Variants in CDH18 observed in about 807,000 individuals in gnomAD.
The protein encoded by CDH18 is cadherin-18.
CDH18 carries 31 observed loss-of-function variants against 67.9 expected under a neutral mutation model. That is an observed-to-expected ratio of 0.46 (90% CI 0.34 to 0.62). The LOEUF (loss-of-function observed/expected upper bound fraction) is 0.62, where lower values mean the gene tolerates loss of function less well. Ranked by LOEUF, CDH18 falls within the 20% of genes least tolerant of loss-of-function variation. The probability of loss-of-function intolerance (pLI) is 0.01; values close to 1 mark genes in which losing one functional copy is unlikely to be tolerated. For synonymous variants in CDH18, 362 were observed against 347.2 expected (o/e 1.04, Z -0.48); for missense variants, 890 against 975.5 (o/e 0.91, Z 1.17).
chr5:20,137,946 C>A (rs1749879696), intron 2 of CDH18, among the ~76,000 whole-genome samples: 1 of 152,092 alleles, frequency 6.6e-6, no homozygotes, highest in African/African-American at 2.4e-5. Context: ...AAGAGGGAAT[C>A]CTCCCTAACT....
intron 5 of CDH18, among the ~76,000 whole-genome samples, chr5:19,719,900 C>CAAGAGAAAGAAAGAAAGA (rs1561139009): frequency 8.9e-4 from 68 of 76,512 alleles, no homozygotes; most frequent in African/African-American, 4.3e-3. Context: ...AAGAGTTAAG[C>CAAGAGAAAGAAAGAAAGA]AAGAGAAAGA....
intron 5 of CDH18, among the ~76,000 whole-genome samples, chr5:19,628,925 A>T (rs960201492): frequency 7.6e-6 from 1 of 132,244 alleles, no homozygotes; most frequent in African/African-American, 3.3e-5. Flanking sequence ...ATTCAGAAAG[A>T]AAAAAAAAAA....
chr5:19,595,497 G>A (rs1746028355), intron 6 of CDH18, among the ~76,000 whole-genome samples: 1 of 152,124 alleles, frequency 6.6e-6, no homozygotes, highest in African/African-American at 2.4e-5. Context: ...GGTGGCACAC[G>A]CCTGTAATCC....
At chr5:20,433,898 G>T (rs1748965016) in intron 1 of CDH18, among the ~76,000 whole-genome samples, 1 of 152,032 alleles carries the variant, frequency 6.6e-6, no homozygotes, top group Non-Finnish European at 1.5e-5. Context: ...GTATACTCTT[G>T]TACTATAAAA....
intron 2 of CDH18, among the ~76,000 whole-genome samples, chr5:20,015,244 G>C (rs541305716): frequency 6.6e-6 from 1 of 152,156 alleles, no homozygotes; most frequent in African/African-American, 2.4e-5. Flanking sequence ...TAGGTCCCAC[G>C]TTTATTAAAA....
At chr5:19,779,172 G>A (rs990675069) in intron 3 of CDH18, among the ~76,000 whole-genome samples, 3 of 152,100 alleles carry the variant, frequency 2.0e-5, no homozygotes, top group Admixed American at 1.3e-4. Context: ...TAATCTGATC[G>A]AGGTAGGACA....
At chr5:20,117,953 C>T (rs1748056103) in intron 2 of CDH18, among the ~76,000 whole-genome samples, 1 of 152,100 alleles carries the variant, frequency 6.6e-6, no homozygotes, top group South Asian at 2.1e-4. Flanking sequence ...AACATACCTC[C>T]TCTGATGTCT....
At chr5:20,096,983 G>A (rs181001443) in intron 2 of CDH18, among the ~76,000 whole-genome samples, 5 of 151,992 alleles carry the variant, frequency 3.3e-5, no homozygotes, top group African/African-American at 2.4e-5. Flanking sequence ...TATGTGTGAC[G>A]GATACTCAAT....
chr5:20,105,925 T>C (rs1205947655), intron 2 of CDH18, among the ~76,000 whole-genome samples: 1 of 152,178 alleles, frequency 6.6e-6, no homozygotes, highest in Non-Finnish European at 1.5e-5. Flanking sequence ...AATTTTTTTT[T>C]CCTGCTACGT....
chr5:19,543,907 G>A lies in CDH18; in HGVS notation c.1352C>T (p.Thr451Ile), dbSNP rs1735847927. The A allele has an allele frequency of 1.3e-6, 2 of 1,590,350 alleles. No homozygotes were observed. The highest frequency in any genetic ancestry group is 1.7e-6 in the Non-Finnish European group (2 of 1,164,248). The change falls in exon 9 of 13, where the codon ACT (threonine) becomes ATT (isoleucine). Residue 451 changes from threonine to isoleucine, a missense_variant. By Grantham distance (89) the Thr-to-Ile change is moderately conservative. Coordinates refer to ENST00000382275, the MANE Select transcript of CDH18 (RefSeq NM_004934.5). ...RTTKVLDREE[T>I]PWYNITVTAS... ...AGTGACTGTGATGTTGTACCATGGA[G>A]TTTCTTCTCTGTCGAGAACCTTTGT...
At chr5:19,476,738 T>C (rs1182920041) in intron 12 of CDH18, among the ~76,000 whole-genome samples, 1 of 152,072 alleles carries the variant, frequency 6.6e-6, no homozygotes, top group Admixed American at 6.6e-5. Context: ...TTCTTTTATA[T>C]TGAATTGGTT....
At chr5:20,462,084 AT>A (rs1406755199) in intron 1 of CDH18, among the ~76,000 whole-genome samples, 1 of 152,222 alleles carries the variant, frequency 6.6e-6, no homozygotes, top group Non-Finnish European at 1.5e-5. Context: ...TTATTATTTC[AT>A]TATTTACAAC....
intron 12 of CDH18, among the ~76,000 whole-genome samples, chr5:19,480,306 A>G (rs1172694884): frequency 6.6e-6 from 1 of 151,946 alleles, no homozygotes; most frequent in East Asian, 1.9e-4. Context: ...GTATGTTAAT[A>G]TCTAAAGAAA....
At chr5:19,893,418 C>T (rs1316078486) in intron 2 of CDH18, among the ~76,000 whole-genome samples, 1 of 152,076 alleles carries the variant, frequency 6.6e-6, no homozygotes, top group Admixed American at 6.6e-5. Flanking sequence ...TATTTCTAGA[C>T]ACAAGGAATT....
At chr5:19,682,361 G>GC (rs2150388428) in intron 5 of CDH18, among the ~76,000 whole-genome samples, 1 of 152,102 alleles carries the variant, frequency 6.6e-6, no homozygotes, top group South Asian at 2.1e-4. Context: ...CTCAGAACCA[G>GC]CTCATTGTAC....
chr5:19,548,235 G>T (rs1042605819), intron 8 of CDH18, among the ~76,000 whole-genome samples: 1 of 151,018 alleles, frequency 6.6e-6, no homozygotes, highest in Non-Finnish European at 1.5e-5. Flanking sequence ...ATCAAGTAAC[G>T]ATTTGCCTAG....
chr5:20,544,860 T>G (rs1423601868), intron 1 of CDH18, among the ~76,000 whole-genome samples: 1 of 152,126 alleles, frequency 6.6e-6, no homozygotes, highest in African/African-American at 2.4e-5. Flanking sequence ...CTTAATTCAT[T>G]CCAGCATTAA....
intron 2 of CDH18, among the ~76,000 whole-genome samples, chr5:20,027,621 A>G (rs1739025850): frequency 6.6e-6 from 1 of 152,208 alleles, no homozygotes; most frequent in South Asian, 2.1e-4. Context: ...GCTCTGAGAC[A>G]TAATCAGTGT....
chr5:20,492,406 T>A (rs759492145), intron 1 of CDH18, among the ~76,000 whole-genome samples: 7 of 152,150 alleles, frequency 4.6e-5, no homozygotes, highest in Non-Finnish European at 7.4e-5. Context: ...TAATTTAAAA[T>A]AACATATTTT....
Sources: allele counts gnomAD v4.1 joint callset (sites outside exome capture counted in the v4.1 genomes callset), GRCh38; gene constraint gnomAD v4.1.1; transcripts MANE v1.5; gene names NCBI Gene and HGNC (gene_info 2026-07-23, HGNC 2026-07-21).